Variants in SGCZ observed in about 807,000 individuals in gnomAD.
SGCZ encodes the protein zeta-sarcoglycan.
Under a neutral mutation model 41.3 loss-of-function variants are expected in SGCZ, and 40 were observed. The ratio of observed to expected loss-of-function variants is 0.97; its 90% CI spans 0.75 to 1.26. The LOEUF (loss-of-function observed/expected upper bound fraction) is 1.26. Among genes scored for constraint, SGCZ ranks in the 50% most tolerant of loss-of-function variants. SGCZ has a pLI of 0.00. For synonymous variants in SGCZ, 206 were observed against 137.5 expected (o/e 1.50, Z -3.49); for missense variants, 552 against 369.8 (o/e 1.49, Z -4.04).
chr8:14,949,305 G>C (rs1800554141), intron 1 of SGCZ, among the ~76,000 whole-genome samples: 1 of 152,126 alleles, frequency 6.6e-6, no homozygotes, highest in Non-Finnish European at 1.5e-5. Context: ...GGGAAAAGTA[G>C]TAATTAGAAA....
At chr8:14,856,323 C>G (rs1325765010) in intron 1 of SGCZ, among the ~76,000 whole-genome samples, 4 of 152,138 alleles carry the variant, frequency 2.6e-5, no homozygotes, top group South Asian at 2.1e-4. Context: ...TTGGGAAGGA[C>G]AGGCCCTTGC....
chr8:14,692,857 T>C (rs775327311), intron 1 of SGCZ, among the ~76,000 whole-genome samples: 20 of 152,324 alleles, frequency 1.3e-4, no homozygotes, highest in Non-Finnish European at 2.6e-4. Flanking sequence ...GAAACTTCAA[T>C]TTTCTGATTT....
intron 4 of SGCZ, among the ~76,000 whole-genome samples, chr8:14,204,736 T>C (rs1805565136): frequency 6.6e-6 from 1 of 152,178 alleles, no homozygotes; most frequent in African/African-American, 2.4e-5. Flanking sequence ...ATGCTGAAGC[T>C]GGGACACACT....
intron 2 of SGCZ, among the ~76,000 whole-genome samples, chr8:14,379,163 C>G (rs1285289315): frequency 6.6e-6 from 1 of 151,996 alleles, no homozygotes. Context: ...ATCTTAACTG[C>G]AAAAGAAATA....
intron 2 of SGCZ, among the ~76,000 whole-genome samples, chr8:14,514,801 GTGTGTGTGTGTGTATA>G (rs1384625229): frequency 0.019 from 1,790 of 92,514 alleles, 43 homozygotes; most frequent in African/African-American, 0.059. Flanking sequence ...GTGTGTGTGT[GTGTGTGTGTGTGTATA>G]TATACACGCA....
intron 5 of SGCZ, among the ~76,000 whole-genome samples, chr8:14,148,149 G>C (rs1322138367): frequency 2.6e-5 from 4 of 151,926 alleles, no homozygotes; most frequent in Admixed American, 2.0e-4. Flanking sequence ...TAAAGAACTA[G>C]GAATGCATGT....
intron 2 of SGCZ, among the ~76,000 whole-genome samples, chr8:14,427,803 C>G (rs977418243): frequency 3.9e-5 from 6 of 152,058 alleles, no homozygotes; most frequent in Non-Finnish European, 7.4e-5. Flanking sequence ...TAATAAGCCA[C>G]ACAGTTGGCC....
chr8:14,589,855 C>T (rs184620867), intron 1 of SGCZ, among the ~76,000 whole-genome samples: 21 of 152,138 alleles, frequency 1.4e-4, no homozygotes, highest in East Asian at 5.8e-4. Context: ...AGAAATCTTC[C>T]GTATTTTGCC....
At chr8:14,825,439 G>C (rs567238178) in intron 1 of SGCZ, among the ~76,000 whole-genome samples, 5 of 152,172 alleles carry the variant, frequency 3.3e-5, no homozygotes, top group African/African-American at 1.2e-4. Flanking sequence ...ATCATTTTTA[G>C]ACAATTAAAA....
intron 1 of SGCZ, among the ~76,000 whole-genome samples, chr8:14,768,364 C>T (rs896428771): frequency 2.6e-5 from 4 of 152,170 alleles, no homozygotes; most frequent in African/African-American, 9.6e-5. Flanking sequence ...TTCCATGTTG[C>T]GTCCTATAGT....
At position 14,443,690 on chromosome 8, in the gene SGCZ, C is replaced by T. The variant is rs530705638; in HGVS notation, c.234+111042G>A. Among the ~76,000 whole-genome samples, 8 of 152,228 alleles carry T rather than the reference C, an allele frequency of 5.3e-5. No homozygotes were observed. In the East Asian group the frequency reaches 1.4e-3, roughly 26 times the overall value. The stretch of plus-strand genomic sequence containing the variant: ...ATGGATTAAAGACTGAAACGTTAGA[C>T]CTAAAACCATAAAAATCCTAGAAGA... On this transcript the variant is annotated intron_variant, in intron 2 of 7. Coordinates refer to ENST00000382080, the MANE Select transcript of SGCZ (RefSeq NM_139167.4).
At chr8:14,371,741 A>G (rs370902202) in intron 2 of SGCZ, among the ~76,000 whole-genome samples, 107 of 152,280 alleles carry the variant, frequency 7.0e-4, no homozygotes, top group African/African-American at 2.5e-3. Context: ...ACTGCCAACT[A>G]TAAATTCATA....
chr8:14,968,456 T>G (rs938189658), intron 1 of SGCZ, among the ~76,000 whole-genome samples: 1 of 152,104 alleles, frequency 6.6e-6, no homozygotes, highest in Middle Eastern at 3.2e-3. Context: ...TGTTAACATT[T>G]TATTCAATAT....
At chr8:15,188,159 C>T (rs1800407690) in intron 1 of SGCZ, among the ~76,000 whole-genome samples, 1 of 152,044 alleles carries the variant, frequency 6.6e-6, no homozygotes, top group African/African-American at 2.4e-5. Flanking sequence ...CCACTCCAAA[C>T]ATCATAGTTC....
intron 1 of SGCZ, among the ~76,000 whole-genome samples, chr8:15,205,053 CAAGTT>C (rs1801017252): frequency 6.6e-6 from 1 of 152,022 alleles, no homozygotes; most frequent in Admixed American, 6.6e-5. Flanking sequence ...AAAAAAAGTT[CAAGTT>C]AACAGTGAAA....
At chr8:14,143,393 T>C (rs528663871) in intron 5 of SGCZ, among the ~76,000 whole-genome samples, 1 of 152,308 alleles carries the variant, frequency 6.6e-6, no homozygotes, top group African/African-American at 2.4e-5. Flanking sequence ...TATTTGAAAA[T>C]GACATTATTG....
intron 3 of SGCZ, among the ~76,000 whole-genome samples, chr8:14,277,932 G>C (rs570129116): frequency 3.9e-5 from 6 of 152,254 alleles, no homozygotes; most frequent in South Asian, 2.1e-4. Context: ...GACAGAGAGA[G>C]AGACAGACAA....
intron 1 of SGCZ, among the ~76,000 whole-genome samples, chr8:15,040,260 T>C (rs1804041016): frequency 6.6e-6 from 1 of 152,200 alleles, no homozygotes; most frequent in African/African-American, 2.4e-5. Flanking sequence ...TTAACGAATA[T>C]AGTAGGAATA....
At chr8:14,507,279 C>A (rs75789045) in intron 2 of SGCZ, among the ~76,000 whole-genome samples, 3,832 of 152,256 alleles carry the variant, frequency 0.025, 116 homozygotes, top group African/African-American at 0.069. Context: ...GTCTTTCTTA[C>A]ACTCCCATAG....
Sources: allele counts gnomAD v4.1 joint callset (sites outside exome capture counted in the v4.1 genomes callset), GRCh38; gene constraint gnomAD v4.1.1; transcripts MANE v1.5; gene names NCBI Gene and HGNC (gene_info 2026-07-23, HGNC 2026-07-21).